The following FTO variants were observed in gnomAD, a reference collection of about 807,000 sequenced individuals.
FTO encodes the protein FTO alpha-ketoglutarate dependent dioxygenase.
FTO carries 47 observed loss-of-function variants against 63.9 expected under a neutral mutation model. That is an observed-to-expected ratio of 0.74 (90% CI 0.58 to 0.94). The LOEUF (loss-of-function observed/expected upper bound fraction) is 0.94. FTO is among the 40% of genes least tolerant of loss of function. The pLI is 0.00. For synonymous variants in FTO, 207 were observed against 224.4 expected (o/e 0.92, Z 0.69); for missense variants, 562 against 618.1 (o/e 0.91, Z 0.96).
intron 8 of FTO, among the ~76,000 whole-genome samples, chr16:53,977,729 T>A (rs2083460756): frequency 6.6e-6 from 1 of 152,234 alleles, no homozygotes; most frequent in Non-Finnish European, 1.5e-5. Flanking sequence ...TTCTTTGACA[T>A]CTTTATGAAA....
chr16:53,776,337 G>A (rs1343485972), intron 1 of FTO, among the ~76,000 whole-genome samples: 2 of 152,172 alleles, frequency 1.3e-5, no homozygotes, highest in Non-Finnish European at 2.9e-5. Context: ...AATCAGACAT[G>A]TAAATTAGTA....
Position 54,116,570 on chromosome 16 carries a change from G to T in FTO, c.*4655G>T, listed in dbSNP as rs1425425245. 1 of 152,156 alleles carries T rather than the reference G, an allele frequency of 6.6e-6. No individual in the cohort carries two copies. The highest frequency in any genetic ancestry group is 1.5e-5 in the Non-Finnish European group (1 of 68,026). 9.4% of individuals were successfully genotyped at this position (152,156 alleles called of 1,614,324 possible). On this transcript the variant is annotated 3_prime_UTR_variant, in exon 9 of 9. Transcript: ENST00000471389. ...TAAAGGGGAGAGACGGCACAGGCGT[G>T]TTGTGATGATTGCGGCTGTAGGGAA...
At chr16:53,923,571 G>A (rs1044806522) in intron 7 of FTO, among the ~76,000 whole-genome samples, 12 of 152,170 alleles carry the variant, frequency 7.9e-5, no homozygotes, top group East Asian at 1.9e-4. Context: ...GGTTGCAGGC[G>A]TAAAATAGCA....
intron 7 of FTO, among the ~76,000 whole-genome samples, chr16:53,908,922 G>T (rs2081609951): frequency 6.6e-6 from 1 of 152,122 alleles, no homozygotes; most frequent in Non-Finnish European, 1.5e-5. Context: ...ATAGCCTTCT[G>T]TGTTTATAAA....
chr16:53,909,956 C>CA (rs1374252386), intron 7 of FTO, among the ~76,000 whole-genome samples: 4 of 152,078 alleles, frequency 2.6e-5, no homozygotes, highest in Non-Finnish European at 5.9e-5. Context: ...TAGCTTACTG[C>CA]AGCCTCGAAC....
At chr16:54,105,656 A>G (rs1205238189) in intron 8 of FTO, among the ~76,000 whole-genome samples, 1 of 152,140 alleles carries the variant, frequency 6.6e-6, no homozygotes, top group Non-Finnish European at 1.5e-5. Context: ...TGTAATTGTT[A>G]TTTTAATTAG....
intron 1 of FTO, among the ~76,000 whole-genome samples, chr16:53,724,056 G>A (rs954165729): frequency 6.6e-6 from 1 of 152,208 alleles, no homozygotes; most frequent in Non-Finnish European, 1.5e-5. Flanking sequence ...AGGTGATGGT[G>A]GGTGAACAGG....
At chr16:54,081,540 T>G (rs1610275) in intron 8 of FTO, among the ~76,000 whole-genome samples, 34,210 of 152,136 alleles carry the variant, frequency 0.22, 4,813 homozygotes, top group Middle Eastern at 0.38. Flanking sequence ...ACTGGCCATG[T>G]TCAGTCCACC....
intron 8 of FTO, among the ~76,000 whole-genome samples, chr16:53,939,713 A>G (rs2082481265): frequency 6.6e-6 from 1 of 152,212 alleles, no homozygotes; most frequent in South Asian, 2.1e-4. Flanking sequence ...GAAATCATAC[A>G]ATACGTGACC....
intron 1 of FTO, among the ~76,000 whole-genome samples, chr16:53,746,150 T>C (rs1304273093): frequency 2.0e-5 from 3 of 152,212 alleles, no homozygotes; most frequent in Non-Finnish European, 4.4e-5. Flanking sequence ...CCAGCTTCCT[T>C]GCAGTTAGGT....
chr16:53,728,764 CTT>C (rs368270837), intron 1 of FTO, among the ~76,000 whole-genome samples: 11 of 133,884 alleles, frequency 8.2e-5, no homozygotes, highest in Admixed American at 1.5e-4. Context: ...GACCATACTT[CTT>C]TTTTTTTTTT....
intron 4 of FTO, among the ~76,000 whole-genome samples, chr16:53,856,503 C>T (rs546205293): frequency 1.3e-5 from 2 of 151,852 alleles, no homozygotes; most frequent in African/African-American, 4.8e-5. Flanking sequence ...TTTATAAAAA[C>T]AATTGAGAGA....
chr16:54,074,114 A>G (rs2085932721), intron 8 of FTO, among the ~76,000 whole-genome samples: 1 of 151,910 alleles, frequency 6.6e-6, no homozygotes, highest in Admixed American at 6.6e-5. Context: ...GCTTATTTCA[A>G]TACTTCTGTG....
At chr16:54,109,399 T>G (rs2086826063) in intron 8 of FTO, among the ~76,000 whole-genome samples, 1 of 152,152 alleles carries the variant, frequency 6.6e-6, no homozygotes, top group Non-Finnish European at 1.5e-5. Context: ...AGCACAATCT[T>G]GGCTCACTGC....
Position 54,112,219 on chromosome 16 carries a change from A to G in FTO, c.*304A>G, listed in dbSNP as rs2144637676. 1 of 400,018 alleles carries G rather than the reference A, an allele frequency of 2.5e-6. No homozygotes were observed. Among genetic ancestry groups the G allele is most frequent in the East Asian group, 5.8e-5 (1 of 17,176 alleles). 24.8% of individuals were successfully genotyped at this position (400,018 alleles called of 1,614,324 possible). ...GCGACAGGAACGAGCCCAGCGTGTG[A>G]CAAAGCCTAACCTACTTTCCTCTTT... On this transcript the variant is annotated 3_prime_UTR_variant, in exon 9 of 9. Transcript: ENST00000471389.
intron 8 of FTO, among the ~76,000 whole-genome samples, chr16:53,971,500 G>T (rs1345310541): frequency 6.6e-6 from 1 of 152,148 alleles, no homozygotes; most frequent in Non-Finnish European, 1.5e-5. Flanking sequence ...CATTTCTTGA[G>T]GTTTTCCCGT....
At chr16:54,031,434 G>T (rs12051239) in intron 8 of FTO, among the ~76,000 whole-genome samples, 1 of 151,914 alleles carries the variant, frequency 6.6e-6, no homozygotes. Flanking sequence ...AGGAAATTTG[G>T]TGGGCTTGGG....
At chr16:53,737,414 C>T (rs1345386303) in intron 1 of FTO, among the ~76,000 whole-genome samples, 1 of 152,210 alleles carries the variant, frequency 6.6e-6, no homozygotes, top group African/African-American at 2.4e-5. Flanking sequence ...TGCATCAGTA[C>T]AGTTGCTGTT....
intron 4 of FTO, among the ~76,000 whole-genome samples, chr16:53,850,492 A>G (rs10521306): frequency 0.3 from 45,745 of 151,930 alleles, 8,758 homozygotes; most frequent in East Asian, 0.73. Context: ...GTCATGACTT[A>G]TGGAATTTAC....
Sources: allele counts gnomAD v4.1 joint callset (sites outside exome capture counted in the v4.1 genomes callset), GRCh38; gene constraint gnomAD v4.1.1; transcripts MANE v1.5; gene names NCBI Gene and HGNC (gene_info 2026-07-23, HGNC 2026-07-21).